TFAP2D: variants seen among roughly 807,000 people sequenced by gnomAD.
The protein encoded by TFAP2D is transcription factor AP-2-delta.
A neutral mutation model predicts 43.6 loss-of-function variants in TFAP2D; 9 were observed. The observed-to-expected ratio is 0.21, with a 90% CI of 0.12 to 0.36. The LOEUF is 0.36. Among genes scored for constraint, TFAP2D ranks in the 10% least tolerant of loss-of-function variants. The probability of loss-of-function intolerance (pLI) is 1.00; values close to 1 mark genes in which losing one functional copy is unlikely to be tolerated. For synonymous variants in TFAP2D, 256 were observed against 224.9 expected, an observed-to-expected ratio of 1.14 and a Z score of -1.24; for missense variants, 513 against 561.4, an observed-to-expected ratio of 0.91 and a Z score of 0.87.
At chr6:50,758,447 C>A (rs1447561458) in intron 7 of TFAP2D, among the ~76,000 whole-genome samples, 1 of 151,920 alleles carries the variant, frequency 6.6e-6, no homozygotes, top group Non-Finnish European at 1.5e-5. Flanking sequence ...TACAGAGTTA[C>A]TTTCATCCTG....
chr6:50,766,858 T>G (rs62405416), intron 7 of TFAP2D, among the ~76,000 whole-genome samples: 1 of 151,430 alleles, frequency 6.6e-6, no homozygotes, highest in Non-Finnish European at 1.5e-5. Context: ...TTAGTAGAGA[T>G]GGGGTTTCAC....
At chr6:50,761,498 C>G (rs1394327077) in intron 7 of TFAP2D, among the ~76,000 whole-genome samples, 1 of 151,976 alleles carries the variant, frequency 6.6e-6, no homozygotes, top group Non-Finnish European at 1.5e-5. Flanking sequence ...AAGAGACTTT[C>G]ATTTCCTTTA....
Position 50,713,629 on chromosome 6 carries a change from T to A in TFAP2D, c.-427T>A, listed in dbSNP as rs1768564891. Among the ~76,000 whole-genome samples the A allele has an allele frequency of 6.6e-6, 1 of 151,948 alleles. No homozygotes were observed. Among genetic ancestry groups the A allele is most frequent in the Non-Finnish European group, 1.5e-5 (1 of 67,980 alleles). ...AAAGCATGATAAAGGTTGGAAAAAA[T>A]GGATAAAAATGTTGAAAGAACCTCC... On this transcript the variant is annotated 5_prime_UTR_variant, in exon 1 of 8. The change abolishes an upstream ATG in the 5' untranslated region. Transcript: ENST00000008391.
chr6:50,753,772 A>G (rs1769229324), intron 7 of TFAP2D, among the ~76,000 whole-genome samples: 1 of 151,894 alleles, frequency 6.6e-6, no homozygotes, highest in Non-Finnish European at 1.5e-5. Flanking sequence ...TATATATTGA[A>G]TATTTTGAAT....
intron 7 of TFAP2D, among the ~76,000 whole-genome samples, chr6:50,760,225 T>C (rs1257667213): frequency 6.6e-6 from 1 of 151,956 alleles, no homozygotes; most frequent in Non-Finnish European, 1.5e-5. Context: ...TTGTGGGAAA[T>C]GCTGCAGAAG....
At chr6:50,744,933 C>T (rs934112021) in intron 5 of TFAP2D, among the ~76,000 whole-genome samples, 174 bp from the exon 6 acceptor site, 2 of 152,070 alleles carry the variant, frequency 1.3e-5, no homozygotes, top group African/African-American at 4.8e-5. Context: ...TCCCCTCATT[C>T]TTCCTCATTA....
chr6:50,762,642 G>A (rs760022746), intron 7 of TFAP2D, among the ~76,000 whole-genome samples: 5 of 152,052 alleles, frequency 3.3e-5, no homozygotes, highest in Admixed American at 2.6e-4. Flanking sequence ...TAGCAAAATA[G>A]GAGCTTTTAA....
intron 7 of TFAP2D, among the ~76,000 whole-genome samples, chr6:50,764,737 A>G (rs922377413): frequency 6.6e-6 from 1 of 152,188 alleles, no homozygotes; most frequent in Non-Finnish European, 1.5e-5. Flanking sequence ...ATGCATTGAT[A>G]ATAATAGTTT....
At position 50,729,227 on chromosome 6, in the gene TFAP2D, A is replaced by G. The variant is rs79756578; in HGVS notation, c.798A>G (p.Arg266=). 12,354 of 1,613,980 alleles carry G rather than the reference A, an allele frequency of 7.7e-3. 67 individuals carry two copies. Among genetic ancestry groups the G allele is most frequent in the Non-Finnish European group, 9.6e-3 (11,287 of 1,179,860 alleles). ...CAAAGAATGGGGGCCGCTGCCTGAGAGAGAAATTGGATAGGCTTGGCTTAA... is the reference window on the plus strand; with the variant it reads ...CAAAGAATGGGGGCCGCTGCCTGAGGGAGAAATTGGATAGGCTTGGCTTAA... ...AKSKNGGRCL[R]EKLDRLGLNL... Residue 266 remains arginine (R), a synonymous_variant, in exon 5 of 8, where the codon AGA becomes AGG. Transcript: ENST00000008391.
chr6:50,751,402 A>T, intron 7 of TFAP2D, 78 bp downstream of exon 7: 1 of 964,858 alleles, frequency 1.0e-6, no homozygotes, highest in South Asian at 1.4e-5. Flanking sequence ...CTATTTAGAG[A>T]TACCACTTAT....
chr6:50,720,653 A>G (rs1463732263), intron 3 of TFAP2D, among the ~76,000 whole-genome samples: 1 of 152,194 alleles, frequency 6.6e-6, no homozygotes, highest in Non-Finnish European at 1.5e-5. Flanking sequence ...ACTGATGAAT[A>G]TTGAATGCAC....
intron 2 of TFAP2D, 142 bp downstream of exon 2, chr6:50,715,755 A>ACC: frequency 2.8e-6 from 2 of 704,242 alleles, no homozygotes; most frequent in Non-Finnish European, 4.6e-6. Flanking sequence ...TCTCTCACAC[A>ACC]CACACACACA....
chr6:50,742,351 C>T (rs2113881138), intron 5 of TFAP2D, among the ~76,000 whole-genome samples: 1 of 152,070 alleles, frequency 6.6e-6, no homozygotes, highest in South Asian at 2.1e-4. Flanking sequence ...ATGTAAATAG[C>T]AGCTGTCCCA....
chr6:50,722,608 T>A (rs1162652053), intron 3 of TFAP2D, among the ~76,000 whole-genome samples: 1 of 152,024 alleles, frequency 6.6e-6, no homozygotes, highest in Non-Finnish European at 1.5e-5. Flanking sequence ...TATTTAATAA[T>A]AAGTGAACAA....
chr6:50,736,351 CAT>C (rs1581765552), intron 5 of TFAP2D, among the ~76,000 whole-genome samples: 1 of 152,080 alleles, frequency 6.6e-6, no homozygotes, highest in Admixed American at 6.6e-5. Flanking sequence ...GACAGTTTTG[CAT>C]AGTTTTTAGA....
At chr6:50,734,249 G>A (rs1768933097) in intron 5 of TFAP2D, among the ~76,000 whole-genome samples, 1 of 151,780 alleles carries the variant, frequency 6.6e-6, no homozygotes, top group Non-Finnish European at 1.5e-5. Context: ...CCCTTTGCCT[G>A]GTACTCCTCC....
rs542404163 is a variant in TFAP2D at position 50,716,174 on chromosome 6, A to G, written c.537+561A>G. ...TAAGCTTGAACAAAAGTTTCACCAAATACACTAGATATCTGTGGAAAGTAA... is the reference window on the plus strand; with the variant it reads ...TAAGCTTGAACAAAAGTTTCACCAAGTACACTAGATATCTGTGGAAAGTAA... On this transcript the variant is annotated intron_variant, in intron 2 of 7. Transcript: ENST00000008391. Among the ~76,000 whole-genome samples the G allele has an allele frequency of 2.6e-5, 4 of 152,260 alleles. No homozygotes were observed. In the South Asian group the frequency reaches 8.3e-4, roughly 32 times the overall value.
At chr6:50,769,611 CA>C (rs2113896657) in intron 7 of TFAP2D, among the ~76,000 whole-genome samples, 1 of 152,264 alleles carries the variant, frequency 6.6e-6, no homozygotes, top group Admixed American at 6.5e-5. Flanking sequence ...TGCTCTTAGG[CA>C]GGAAAGTGAG....
In TFAP2D at chr6:50,748,395, AT is replaced by A. The variant is rs528930987; in HGVS notation, c.1026-2815del. ...TAAGACTTGGACAACATTATAAAAA[AT>A]ATATATGAAATCTAAAATTTATTGA... On this transcript the variant is annotated intron_variant, in intron 6 of 7. Transcript: ENST00000008391. 1.8e-4 allele frequency among the ~76,000 whole-genome samples: 27 copies of A among 152,026 alleles called. No individual in the cohort carries two copies. The East Asian group carries it at 5.0e-3, about 28-fold the overall frequency.
Sources: gnomAD v4.1 joint callset for allele counts (sites outside exome capture counted in the v4.1 genomes callset) on GRCh38, gnomAD v4.1.1 for gene constraint, MANE v1.5 for transcripts, NCBI Gene and HGNC (gene_info 2026-07-23, HGNC 2026-07-21) for gene names.